Variants in COL4A5 observed in about 807,000 individuals in gnomAD.
The protein encoded by COL4A5 is collagen alpha-5(IV) chain.
Under a neutral mutation model 130.2 loss-of-function variants are expected in COL4A5, and 26 were observed. The observed-to-expected ratio is 0.20, with a 90% confidence interval of 0.15 to 0.28. COL4A5 has a LOEUF of 0.28. Among genes scored for constraint, COL4A5 ranks in the 10% least tolerant of loss-of-function variants. The pLI, the probability that COL4A5 is intolerant of heterozygous loss-of-function variation, is 1.00. For missense variants in COL4A5, 1,131 were observed against 1,344.3 expected, an observed-to-expected ratio of 0.84 and a Z score of 2.48; for synonymous variants, 496 against 439.6, an observed-to-expected ratio of 1.13 and a Z score of -1.60.
intron 28 of COL4A5, among the ~76,000 whole-genome samples, chrX:108,605,714 T>C (rs2066718095): frequency 8.9e-6 from 1 of 111,885 alleles, no homozygotes; most frequent in Non-Finnish European, 1.9e-5. Flanking sequence ...GCCTGTACGA[T>C]GGTCTGCTCC....
At chrX:108,485,028 C>T (rs1305909396) in intron 1 of COL4A5, among the ~76,000 whole-genome samples, 1 of 112,174 alleles carries the variant, frequency 8.9e-6, no homozygotes, top group East Asian at 2.8e-4. Flanking sequence ...TAGTCTTTCC[C>T]ACTCTTCTCT....
intron 1 of COL4A5, among the ~76,000 whole-genome samples, chrX:108,514,093 G>C (rs1177802061): frequency 1.8e-5 from 2 of 111,586 alleles, no homozygotes; most frequent in African/African-American, 3.3e-5. Flanking sequence ...TTTATTTGCT[G>C]ATTCTTAAGA....
intron 37 of COL4A5, among the ~76,000 whole-genome samples, chrX:108,663,266 A>G (rs1422562754): frequency 8.9e-6 from 1 of 111,861 alleles, no homozygotes; most frequent in Admixed American, 9.5e-5. Flanking sequence ...TGAGAAAAAA[A>G]GGCTGTAGTG....
intron 1 of COL4A5, among the ~76,000 whole-genome samples, chrX:108,526,925 G>C (rs757473143): frequency 1.3e-4 from 14 of 106,079 alleles, no homozygotes; most frequent in African/African-American, 4.1e-4. Flanking sequence ...ATGTCACCAT[G>C]GCTGGTTGAT....
intron 1 of COL4A5, among the ~76,000 whole-genome samples, chrX:108,504,683 A>C (rs2065109000): frequency 8.9e-6 from 1 of 112,427 alleles, no homozygotes; most frequent in African/African-American, 3.2e-5. Flanking sequence ...TTAAAACCAC[A>C]ATGAAGTGCC....
At position 108,532,767 on chromosome X, in the gene COL4A5, A is replaced by C. The variant is rs60786404; in HGVS notation, c.82-6979A>C. 7.1e-3 allele frequency among the ~76,000 whole-genome samples: 792 copies of C among 111,795 alleles called. 4 individuals are homozygous for C. Among genetic ancestry groups the C allele is most frequent in the East Asian group, 0.035 (125 of 3,551 alleles). On this transcript the variant is annotated intron_variant, in intron 1 of 52. Coordinates refer to ENST00000328300, the MANE Select transcript of COL4A5 (RefSeq NM_033380.3). ...ACCGATAATGATCTAACCAGGAAAG[A>C]AAGAAAGAAAGCAATTCCATTTACA... is the stretch of plus-strand genomic sequence containing the variant.
chrX:108,471,969 C>T (rs772528162), intron 1 of COL4A5, among the ~76,000 whole-genome samples: 2 of 111,358 alleles, frequency 1.8e-5, no homozygotes, highest in East Asian at 5.6e-4. Flanking sequence ...ATGTAAGCAT[C>T]GACTACTATA....
chrX:108,640,904 A>C (rs1192817390), intron 36 of COL4A5, among the ~76,000 whole-genome samples: 1 of 111,908 alleles, frequency 8.9e-6, no homozygotes, highest in Non-Finnish European at 1.9e-5. Flanking sequence ...TTTAAGTGAA[A>C]AAATGAACAA....
chrX:108,599,981 G>A (rs2066598195), intron 25 of COL4A5, among the ~76,000 whole-genome samples: 1 of 112,062 alleles, frequency 8.9e-6, no homozygotes, highest in Admixed American at 9.4e-5. Flanking sequence ...ACTACCACAA[G>A]CAGTGTTGAA....
chrX:108,620,196 A>G, intron 30 of COL4A5, 63 bp from the exon 31 acceptor site: 3 of 987,524 alleles, frequency 3.0e-6, no homozygotes, highest in Non-Finnish European at 4.3e-6. Context: ...TACTAGAAAT[A>G]TAACCAGATA....
chrX:108,622,889 G>A, intron 33 of COL4A5, 64 bp downstream of exon 33: 1 of 1,054,500 alleles, frequency 9.5e-7, no homozygotes, highest in East Asian at 3.1e-5. Flanking sequence ...TTTTTAAATA[G>A]CATGAAAAGT....
intron 1 of COL4A5, among the ~76,000 whole-genome samples, chrX:108,472,767 T>C (rs191410308): frequency 3.8e-3 from 426 of 112,129 alleles, no homozygotes; most frequent in Non-Finnish European, 5.9e-3. Context: ...GCTAATTTCA[T>C]TTCCTTTGGG....
At chrX:108,550,977 A>G (rs1278874968) in intron 2 of COL4A5, among the ~76,000 whole-genome samples, 1 of 111,569 alleles carries the variant, frequency 9.0e-6, no homozygotes, top group East Asian at 2.8e-4. Context: ...GCCTTTCACC[A>G]TATACAAAAA....
At chrX:108,626,733 T>G in intron 36 of COL4A5, 3 of 886,050 alleles carry the variant, frequency 3.4e-6, no homozygotes, top group South Asian at 6.4e-5. Flanking sequence ...CAGTTAATGC[T>G]AATGTAGTAG....
At chrX:108,548,733 G>C (rs1323758767) in intron 2 of COL4A5, among the ~76,000 whole-genome samples, 1 of 111,260 alleles carries the variant, frequency 9.0e-6, no homozygotes, top group Non-Finnish European at 1.9e-5. Flanking sequence ...AAAAAAGCTA[G>C]AGAAAAATTT....
intron 3 of COL4A5, among the ~76,000 whole-genome samples, chrX:108,559,727 G>A (rs1040425870): frequency 4.5e-5 from 5 of 111,840 alleles, no homozygotes; most frequent in African/African-American, 9.7e-5. Context: ...GGATGGAAAC[G>A]TACTGAATCA....
In COL4A5 at chrX:108,612,726, A is replaced by G. The variant is rs1363327588; in HGVS notation, c.2396-2185A>G. Among the ~76,000 whole-genome samples, 7 of 111,794 alleles carry G rather than the reference A, an allele frequency of 6.3e-5. No homozygotes were observed. The Admixed American group carries it at 6.7e-4, about 11-fold the overall frequency. ...ATCAGTTTTCTCCAAATCAATCCAT[A>G]GATTGAAAATATTCTCAAGGAGAAC... is the stretch of plus-strand genomic sequence containing the variant. On this transcript the variant is annotated intron_variant, in intron 29 of 52. Coordinates refer to ENST00000328300, the MANE Select transcript of COL4A5 (RefSeq NM_033380.3).
At position 108,667,139 on chromosome X, in the gene COL4A5, C is replaced by T; in HGVS notation, c.3560C>T (p.Pro1187Leu). The change falls in exon 40 of 53, where the codon CCA becomes CTA. Residue 1187 changes from proline (P) to leucine (L), a missense_variant. By Grantham distance (98) the Pro-to-Leu change is moderately conservative. Coordinates refer to ENST00000328300, the MANE Select transcript of COL4A5 (RefSeq NM_033380.3). ...PAGQKGEPGQ[P>L]GFGNPGPPGL... ...TTGTTTTGTACTCTGACAGGTCAAC[C>T]AGGCTTTGGAAACCCAGGACCCCCT... 8.3e-7 allele frequency: 1 copy of T among 1,210,903 alleles called. No individual in the cohort carries two copies.
At chrX:108,544,600 T>C (rs1194467493) in intron 2 of COL4A5, among the ~76,000 whole-genome samples, 1 of 111,639 alleles carries the variant, frequency 9.0e-6, no homozygotes, top group African/African-American at 3.3e-5. Flanking sequence ...CAGGCTTTGG[T>C]ATCAGGATGC....
Sources: allele counts gnomAD v4.1 joint callset (sites outside exome capture counted in the v4.1 genomes callset), GRCh38; gene constraint gnomAD v4.1.1; transcripts MANE v1.5; gene names NCBI Gene and HGNC (gene_info 2026-07-23, HGNC 2026-07-21).